TRPS1: variants seen among roughly 807,000 people sequenced by gnomAD.
TRPS1 encodes the protein zinc finger transcription factor Trps1.
In TRPS1, 6 loss-of-function variants were observed where a neutral mutation model predicts 101.2. The ratio of observed to expected loss-of-function variants is 0.06; its 90% CI spans 0.03 to 0.12. The LOEUF (loss-of-function observed/expected upper bound fraction) is 0.12. TRPS1 is among the 10% of genes least tolerant of loss of function. The pLI is 1.00. For missense variants in TRPS1, 1,363 were observed against 1,567.0 expected, an observed-to-expected ratio of 0.87 and a Z score of 2.20; for synonymous variants, 578 against 589.8, an observed-to-expected ratio of 0.98 and a Z score of 0.29.
intron 5 of TRPS1, among the ~76,000 whole-genome samples, chr8:115,488,170 A>T (rs2625672): frequency 0.68 from 103,118 of 152,046 alleles, 36,432 homozygotes; most frequent in African/African-American, 0.87. Flanking sequence ...TAGATAATCA[A>T]TAAACATTTT....
chr8:115,468,751 A>G (rs1254941626), intron 5 of TRPS1, among the ~76,000 whole-genome samples: 1 of 152,226 alleles, frequency 6.6e-6, no homozygotes, highest in East Asian at 1.9e-4. Flanking sequence ...TCCACAAAGC[A>G]TATATGCACA....
intron 6 of TRPS1, among the ~76,000 whole-genome samples, chr8:115,416,894 T>A (rs1812935379): frequency 6.6e-6 from 1 of 152,162 alleles, no homozygotes; most frequent in Non-Finnish European, 1.5e-5. Flanking sequence ...TTATTTAATC[T>A]ATACACTGTA....
intron 5 of TRPS1, among the ~76,000 whole-genome samples, chr8:115,512,415 C>T (rs1186474374): frequency 3.3e-5 from 5 of 151,556 alleles, no homozygotes; most frequent in African/African-American, 9.7e-5. Flanking sequence ...TTAAAATGGA[C>T]CCTATCATAA....
At chr8:115,597,482 A>C (rs1817813195) in intron 4 of TRPS1, among the ~76,000 whole-genome samples, 1 of 151,974 alleles carries the variant, frequency 6.6e-6, no homozygotes, top group Admixed American at 6.6e-5. Context: ...TTTTGGCTTA[A>C]TATGTCTCAA....
intron 4 of TRPS1, among the ~76,000 whole-genome samples, chr8:115,602,389 G>GTCAAA (rs755318924): frequency 5.2e-4 from 79 of 152,308 alleles, no homozygotes; most frequent in Non-Finnish European, 9.8e-4. Flanking sequence ...ATGTCTGCGA[G>GTCAAA]CCTCAGAAAT....
intron 5 of TRPS1, among the ~76,000 whole-genome samples, chr8:115,491,675 G>C (rs1815025469): frequency 6.6e-6 from 1 of 151,994 alleles, no homozygotes; most frequent in Non-Finnish European, 1.5e-5. Context: ...AAGAAAGAAA[G>C]AAAGGAAGAA....
chr8:115,543,686 C>T (rs555022911), intron 5 of TRPS1, among the ~76,000 whole-genome samples: 14 of 151,882 alleles, frequency 9.2e-5, no homozygotes, highest in Non-Finnish European at 5.9e-5. Flanking sequence ...TTTTTATGTA[C>T]CAGGAGAAGG....
chr8:115,535,721 T>C (rs1284163125), intron 5 of TRPS1, among the ~76,000 whole-genome samples: 1 of 150,846 alleles, frequency 6.6e-6, no homozygotes, highest in Non-Finnish European at 1.5e-5. Flanking sequence ...AAATTACATA[T>C]ATATGCTAAG....
At chr8:115,523,107 G>GA (rs912145766) in intron 5 of TRPS1, among the ~76,000 whole-genome samples, 7 of 150,830 alleles carry the variant, frequency 4.6e-5, no homozygotes, top group Admixed American at 2.0e-4. Flanking sequence ...GTTTAGGGGA[G>GA]AAAAAAAAAT....
intron 5 of TRPS1, among the ~76,000 whole-genome samples, chr8:115,435,451 C>T (rs766482435): frequency 1.3e-5 from 2 of 152,150 alleles, no homozygotes; most frequent in South Asian, 4.1e-4. Flanking sequence ...GAGGCACATG[C>T]TATCCCTTTA....
chr8:115,484,801 A>G (rs1586320694), intron 5 of TRPS1, among the ~76,000 whole-genome samples: 1 of 152,296 alleles, frequency 6.6e-6, no homozygotes. Flanking sequence ...GCACTTCAGG[A>G]AATTTTCCAG....
intron 5 of TRPS1, among the ~76,000 whole-genome samples, chr8:115,496,620 T>A (rs945272340): frequency 3.9e-5 from 6 of 152,200 alleles, no homozygotes; most frequent in African/African-American, 1.4e-4. Context: ...AGAAAAAAAT[T>A]AGTAAATTAA....
chr8:115,534,984 G>A (rs1322182196), intron 5 of TRPS1, among the ~76,000 whole-genome samples: 1 of 148,732 alleles, frequency 6.7e-6, no homozygotes, highest in Admixed American at 6.7e-5. Flanking sequence ...TAAAACACTT[G>A]GCATATAAAT....
chr8:115,447,530 G>A (rs117867070), intron 5 of TRPS1, among the ~76,000 whole-genome samples: 180 of 152,220 alleles, frequency 1.2e-3, no homozygotes, highest in Non-Finnish European at 2.4e-3. Context: ...AAAACATTAT[G>A]TCCAGATGTA....
At chr8:115,517,154 AT>A (rs1420206412) in intron 5 of TRPS1, among the ~76,000 whole-genome samples, 1 of 151,756 alleles carries the variant, frequency 6.6e-6, no homozygotes, top group Non-Finnish European at 1.5e-5. Context: ...GTTTTAAAAT[AT>A]AAAATCTCTA....
chr8:115,511,694 T>C (rs1161053278), intron 5 of TRPS1, among the ~76,000 whole-genome samples: 1 of 151,912 alleles, frequency 6.6e-6, no homozygotes, highest in Non-Finnish European at 1.5e-5. Flanking sequence ...GTTTATATGA[T>C]AAAAGTGAGA....
At chr8:115,520,037 A>G (rs2625679) in intron 5 of TRPS1, among the ~76,000 whole-genome samples, 151,667 of 151,678 alleles carry the variant, frequency 1, 75,828 homozygotes, top group Non-Finnish European at 1. Context: ...CTAGATTCTA[A>G]ACACTGATTC....
chr8:115,613,027 G>C (rs1462872834), intron 3 of TRPS1, among the ~76,000 whole-genome samples: 2 of 152,108 alleles, frequency 1.3e-5, no homozygotes, highest in Non-Finnish European at 2.9e-5. Context: ...AATTGTGCCT[G>C]GTAACTAGAA....
rs201812425 is a variant in TRPS1, at chr8:115,636,301, A to T, written c.-121-12543T>A. On this transcript the variant is annotated intron_variant, in intron 1 of 6. Transcript: ENST00000395715. The stretch of plus-strand genomic sequence containing the variant: ...CTGCGCCACAGATGCAGAGGCATTG[A>T]TGGTTTTAAAATCACTCTTGTCCAT... Among the ~76,000 whole-genome samples, 7 of 152,286 alleles carry T rather than the reference A, an allele frequency of 4.6e-5. No homozygotes were observed. In the East Asian group the frequency reaches 1.4e-3, roughly 29 times the overall value.
Sources: allele counts gnomAD v4.1 joint callset (sites outside exome capture counted in the v4.1 genomes callset), GRCh38; gene constraint gnomAD v4.1.1; transcripts MANE v1.5; gene names NCBI Gene and HGNC (gene_info 2026-07-23, HGNC 2026-07-21).